The following DMBT1 variants were observed in gnomAD, a reference collection of about 807,000 sequenced individuals.
The protein encoded by DMBT1 is deleted in malignant brain tumors 1.
A neutral mutation model predicts 252.9 loss-of-function variants in DMBT1; 198 were observed. That is an observed-to-expected ratio of 0.78 (90% CI 0.70 to 0.88). The LOEUF (loss-of-function observed/expected upper bound fraction) is 0.88, where lower values mean the gene tolerates loss of function less well. Among genes scored for constraint, DMBT1 ranks in the 40% least tolerant of loss-of-function variants. DMBT1 has a pLI of 0.00. For synonymous variants in DMBT1, 990 were observed against 942.7 expected (o/e 1.05, Z -0.92); for missense variants, 2,432 against 2,404.7 (o/e 1.01, Z -0.24).
chr10:122,637,728 A>G (rs972777554), intron 54 of DMBT1, among the ~76,000 whole-genome samples: 2 of 152,204 alleles, frequency 1.3e-5, no homozygotes, highest in South Asian at 4.1e-4. Context: ...AACTTTGCAA[A>G]AACGTATGGC....
chr10:122,621,175 T>C lies in DMBT1; in HGVS notation c.5403T>C (p.Asn1801=). The change falls in exon 44 of 56, where the codon AAT becomes AAC. Residue 1801 remains asparagine, a synonymous_variant. Coordinates refer to ENST00000338354, the MANE Select transcript of DMBT1 (RefSeq NM_001377530.1). ...GTVCDDSWDT[N]DANVVCRQLG... ...TGTGTGATGACAGCTGGGACACCAA[T>C]GATGCCAATGTGGTCTGCAGGCAGC... 1 of 1,613,866 alleles carries C rather than the reference T, an allele frequency of 6.2e-7. No individual in the cohort carries two copies. Among genetic ancestry groups the C allele is most frequent in the Non-Finnish European group, 8.5e-7 (1 of 1,179,814 alleles).
chr10:122,592,099 G>T (rs923832575), intron 19 of DMBT1, among the ~76,000 whole-genome samples, 173 bp from the exon 20 acceptor site: 7 of 148,488 alleles, frequency 4.7e-5, no homozygotes, highest in Non-Finnish European at 9.0e-5. Flanking sequence ...GCAGAATAGG[G>T]TATCACCTCT....
In DMBT1 at chr10:122,628,176, C is replaced by T. The variant is rs144684778; in HGVS notation, c.5669-1664C>T. Among the ~76,000 whole-genome samples the T allele has an allele frequency of 2.4e-4, 36 of 152,270 alleles. No individual in the cohort carries two copies. In the East Asian group the frequency reaches 6.0e-3, roughly 25 times the overall value. On this transcript the variant is annotated intron_variant, in intron 46 of 55. Transcript: ENST00000338354. ...AGCAGTTGTATTCCTAGGTATATACCCAGGAGAAATGAAAACATATGTCCA... is the reference window on the plus strand; with the variant it reads ...AGCAGTTGTATTCCTAGGTATATACTCAGGAGAAATGAAAACATATGTCCA...
rs2098177707 is a variant in DMBT1, at chr10:122,632,906, C to T, written c.6397+16C>T. ...CGTCCAAACAGTAAGTTCTGAGCTC[C>T]CTGACAAGTCTGTGGCAGAGTGGCC... On this transcript the variant is annotated intron_variant, in intron 51 of 55. Transcript: ENST00000338354. The T allele has an allele frequency of 6.2e-7, 1 of 1,613,682 alleles. No individual in the cohort carries two copies. The highest frequency in any genetic ancestry group is 1.3e-5 in the African/African-American group (1 of 74,900).
intron 48 of DMBT1, 87 bp from the exon 49 acceptor site, chr10:122,630,874 G>T: frequency 7.1e-7 from 1 of 1,416,308 alleles, no homozygotes. Context: ...GTGGGAAAAG[G>T]CCTGTGGGAT....
At chr10:122,573,800 C>G (rs1167206406) in intron 6 of DMBT1, 38 bp downstream of exon 6, 1 of 1,598,762 alleles carries the variant, frequency 6.3e-7, no homozygotes, top group African/African-American at 1.3e-5. Flanking sequence ...AGGCTCATTA[C>G]CCCCCTGCAC....
chr10:122,634,437 T>C (rs2098203590), intron 52 of DMBT1, among the ~76,000 whole-genome samples: 8 of 39,468 alleles, frequency 2.0e-4, no homozygotes, highest in African/African-American at 7.7e-4. Flanking sequence ...CTCTTCTCTC[T>C]CTCTCTCTCT....
At chr10:122,641,721 G>C (rs1844563009) in intron 55 of DMBT1, among the ~76,000 whole-genome samples, 1 of 152,138 alleles carries the variant, frequency 6.6e-6, no homozygotes, top group Non-Finnish European at 1.5e-5. Context: ...GATTCTTTCT[G>C]GTCAAATCCT....
chr10:122,634,947 A>G (rs1301582430), intron 52 of DMBT1, among the ~76,000 whole-genome samples: 2 of 152,188 alleles, frequency 1.3e-5, no homozygotes, highest in East Asian at 3.8e-4. Flanking sequence ...TTCCCTGTTG[A>G]TTTCTGTTTG....
At chr10:122,619,360 C>T (rs776083897) in intron 42 of DMBT1, 23 bp downstream of exon 42, 42 of 1,613,818 alleles carry the variant, frequency 2.6e-5, no homozygotes, top group African/African-American at 5.3e-5. Flanking sequence ...CATCCTTCAT[C>T]GGGATGTCCC....
intron 49 of DMBT1, 102 bp downstream of exon 49, chr10:122,631,383 G>A (rs1340590646): frequency 1.4e-5 from 20 of 1,443,312 alleles, no homozygotes; most frequent in Non-Finnish European, 1.8e-5. Context: ...GGCAGGAGCT[G>A]GTCATTGTGT....
At chr10:122,561,731 C>T (rs1231169702) in intron 1 of DMBT1, among the ~76,000 whole-genome samples, 1 of 150,592 alleles carries the variant, frequency 6.6e-6, no homozygotes, top group Non-Finnish European at 1.5e-5. Context: ...TTTCTTCCTC[C>T]TCCTCCCTCT....
intron 51 of DMBT1, 74 bp downstream of exon 51, chr10:122,632,964 A>G: frequency 6.3e-7 from 1 of 1,599,860 alleles, no homozygotes. Flanking sequence ...CTCAGTGACA[A>G]TGGGGCTGGG....
chr10:122,576,618 A>T lies in DMBT1; in HGVS notation c.503A>T (p.Asp168Val), dbSNP rs767894585. The T allele has an allele frequency of 3.7e-5, 59 of 1,613,690 alleles. No homozygotes were observed. The East Asian group carries it at 1.2e-3, about 34-fold the overall frequency. Reference protein sequence around the residue: ...GQGSGPIALDDVRCSGHESYL... With the variant: ...GQGSGPIALDVVRCSGHESYL... Reference sequence around the variant, plus strand: ...GGCTCAGGACCCATTGCCCTGGATGATGTGCGCTGCTCAGGACACGAATCC... The same window carrying T: ...GGCTCAGGACCCATTGCCCTGGATGTTGTGCGCTGCTCAGGACACGAATCC... The change falls in exon 7 of 56, where the codon GAT becomes GTT. Residue 168 changes from aspartate (D) to valine (V), a missense_variant. Around this residue, in one of 3 missense-constraint regions of DMBT1, gnomAD observed 1,264 missense variants for 1,082.2 expected, o/e 1.17. Transcript: ENST00000338354.
In DMBT1 at chr10:122,621,129, A is replaced by G. The variant is rs1450479035; in HGVS notation, c.5357A>G (p.Tyr1786Cys). 2 of 1,613,610 alleles carry G rather than the reference A, an allele frequency of 1.2e-6. No homozygotes were observed. The highest frequency in any genetic ancestry group is 1.7e-6 in the Non-Finnish European group (2 of 1,179,734). Residue 1786 changes from tyrosine to cysteine, a missense_variant, in exon 44 of 56, where the codon TAT becomes TGT. Around this residue, in one of 3 missense-constraint regions of DMBT1, gnomAD observed 1,162 missense variants for 1,169.0 expected, o/e 0.99. Transcript: ENST00000338354. ...DRCRGRVEVL[Y>C]RGSWGTVCDD... ...TGTCGAGGCCGAGTGGAGGTCCTGT[A>G]TCGAGGCTCCTGGGGAACCGTGTGT...
chr10:122,590,966 T>C (rs978118412), intron 18 of DMBT1, among the ~76,000 whole-genome samples: 3 of 148,470 alleles, frequency 2.0e-5, no homozygotes, highest in Admixed American at 6.7e-5. Context: ...GGCAAGAATG[T>C]CAGTGCAGGC....
Position 122,598,452 on chromosome 10 carries a change from G to T in DMBT1, c.2957-322G>T, listed in dbSNP as rs183838409. On this transcript the variant is annotated intron_variant, in intron 25 of 55. Coordinates refer to ENST00000338354, the MANE Select transcript of DMBT1 (RefSeq NM_001377530.1). ...AGGATTGCCACCAAGCTCCTGAGAT[G>T]GGGAGAGTCTGGCCTGCCTACTGTA... 3.1e-4 allele frequency among the ~76,000 whole-genome samples: 47 copies of T among 152,224 alleles called. 1 individual carries two copies. In the East Asian group the frequency reaches 6.2e-3, roughly 20 times the overall value.
At chr10:122,640,818 C>T (rs75742758) in intron 55 of DMBT1, among the ~76,000 whole-genome samples, 5,925 of 152,214 alleles carry the variant, frequency 0.039, 163 homozygotes, top group South Asian at 0.14. Context: ...AAAAGACCTG[C>T]GTATAGTGGG....
At chr10:122,570,983 C>T (rs755998579) in intron 4 of DMBT1, 46 bp downstream of exon 4, 3 of 1,590,878 alleles carry the variant, frequency 1.9e-6, no homozygotes, top group South Asian at 2.2e-5. Context: ...TACCCCACTG[C>T]ACCCCTAGGT....
Sources: gnomAD v4.1 joint callset for allele counts (sites outside exome capture counted in the v4.1 genomes callset) on GRCh38, gnomAD v4.1.1 for gene constraint, gnomAD v4.1.1 regional missense constraint, MANE v1.5 for transcripts, NCBI Gene and HGNC (gene_info 2026-07-23, HGNC 2026-07-21) for gene names.